Variants in PPA2 observed in about 807,000 individuals in gnomAD.
PPA2 encodes the protein inorganic pyrophosphatase 2, mitochondrial.
A neutral mutation model predicts 49.5 loss-of-function variants in PPA2; 48 were observed. That is an observed-to-expected ratio of 0.97 (90% CI 0.77 to 1.23). The LOEUF (loss-of-function observed/expected upper bound fraction) is 1.23, where lower values mean the gene tolerates loss of function less well. Among genes scored for constraint, PPA2 ranks in the 50% most tolerant of loss-of-function variants. PPA2 has a pLI of 0.00. For synonymous variants in PPA2, 131 were observed against 139.9 expected (o/e 0.94, Z 0.45); for missense variants, 429 against 410.1 (o/e 1.05, Z -0.40).
intron 7 of PPA2, among the ~76,000 whole-genome samples, chr4:105,414,418 G>A (rs2636733): frequency 0.59 from 89,961 of 152,000 alleles, 26,738 homozygotes; most frequent in East Asian, 0.68. Flanking sequence ...GGCAGGCTGC[G>A]CTCCGCTCGT....
intron 1 of PPA2, among the ~76,000 whole-genome samples, chr4:105,462,857 T>C (rs1352381222): frequency 6.6e-6 from 1 of 152,214 alleles, no homozygotes; most frequent in African/African-American, 2.4e-5. Context: ...TGCCACCATA[T>C]GAGACGTGCC....
chr4:105,462,323 C>T (rs559105111), intron 1 of PPA2, among the ~76,000 whole-genome samples: 89 of 152,318 alleles, frequency 5.8e-4, no homozygotes, highest in Non-Finnish European at 1.1e-3. Flanking sequence ...GCTCAGGCTG[C>T]TTGTTTCTTA....
At chr4:105,461,487 T>C (rs1239665300) in intron 1 of PPA2, among the ~76,000 whole-genome samples, 22 of 152,162 alleles carry the variant, frequency 1.4e-4, no homozygotes, top group Admixed American at 1.4e-3. Context: ...TCAGCATCTG[T>C]GGAGTCTTTC....
chr4:105,430,859 G>A (rs1261411916), intron 6 of PPA2, among the ~76,000 whole-genome samples: 1 of 152,174 alleles, frequency 6.6e-6, no homozygotes, highest in Non-Finnish European at 1.5e-5. Flanking sequence ...TGTCTTCTAT[G>A]GGTATCATTT....
At chr4:105,459,691 TATACTC>T (rs1453195448) in intron 1 of PPA2, among the ~76,000 whole-genome samples, 2 of 152,254 alleles carry the variant, frequency 1.3e-5, no homozygotes, top group Non-Finnish European at 2.9e-5. Flanking sequence ...AAAACTATGT[TATACTC>T]ATATAGTGGT....
At chr4:105,442,685 G>A (rs138062755) in intron 5 of PPA2, among the ~76,000 whole-genome samples, 9 of 152,276 alleles carry the variant, frequency 5.9e-5, no homozygotes, top group East Asian at 3.9e-4. Flanking sequence ...TTAGGAGTGC[G>A]GGAGATGCTA....
chr4:105,473,616 C>T lies in PPA2; in HGVS notation c.157+278G>A, dbSNP rs115525080. ...CACTCTGCCTACCCCTCGGGGAGGG[C>T]GGCTGGCAGGGCACAGGGCGCTATC... is the stretch of plus-strand genomic sequence containing the variant. On this transcript the variant is annotated intron_variant, in intron 1 of 11. Transcript: ENST00000341695. The T allele has an allele frequency of 1.7e-3, 1,176 of 672,418 alleles. 7 individuals are homozygous for T. The highest frequency in any genetic ancestry group is 0.016 in the African/African-American group (906 of 56,802). The allele number at this position is 672,418 out of a possible 1,614,324, so 41.7% of individuals were successfully genotyped here. A position where few individuals can be genotyped will look rare whatever the true frequency, so the allele number is the denominator to read the frequency against.
chr4:105,457,738 G>GT (rs1173947875), intron 1 of PPA2, among the ~76,000 whole-genome samples: 2 of 152,172 alleles, frequency 1.3e-5, no homozygotes, highest in African/African-American at 4.8e-5. Context: ...TAAGTTTAAA[G>GT]TTTTTTGTAC....
At chr4:105,400,774 G>C (rs546539948) in intron 7 of PPA2, among the ~76,000 whole-genome samples, 1 of 152,132 alleles carries the variant, frequency 6.6e-6, no homozygotes, top group East Asian at 1.9e-4. Context: ...CAAGGAGAAA[G>C]AGAAAGCTAA....
intron 7 of PPA2, among the ~76,000 whole-genome samples, chr4:105,410,713 C>T (rs1241834255): frequency 2.0e-5 from 3 of 152,228 alleles, no homozygotes; most frequent in Non-Finnish European, 4.4e-5. Context: ...AACAGCTGAT[C>T]ACTCTGCAGA....
intron 6 of PPA2, 53 bp downstream of exon 6, chr4:105,437,897 G>A: frequency 7.2e-7 from 1 of 1,387,398 alleles, no homozygotes; most frequent in South Asian, 1.3e-5. Context: ...GAAATTTTAT[G>A]GCATGAATAA....
At position 105,473,914 on chromosome 4, in the gene PPA2, T is replaced by C; in HGVS notation, c.137A>G (p.Gln46Arg). Residue 46 changes from glutamine (Q) to arginine (R), a missense_variant, in exon 1 of 12, where the codon CAG (glutamine) becomes CGG (arginine). Physicochemically the swap from Gln to Arg is conservative, Grantham distance 43. Coordinates refer to ENST00000341695, the MANE Select transcript of PPA2 (RefSeq NM_176869.3). Reference protein sequence around the residue: ...HTEERGQPCSQNYRLFFKNVT... With the variant: ...HTEERGQPCSRNYRLFFKNVT... ...CTTACTAAAGAAGAGGCGGTAATTCTGCGAGCAGGGCTGGCCGCGCTCCTC... is the reference window on the plus strand; with the variant it reads ...CTTACTAAAGAAGAGGCGGTAATTCCGCGAGCAGGGCTGGCCGCGCTCCTC... The C allele has an allele frequency of 1.9e-6, 3 of 1,603,276 alleles. No homozygotes were observed. The highest frequency in any genetic ancestry group is 2.6e-6 in the Non-Finnish European group (3 of 1,173,552).
chr4:105,424,707 T>C (rs1723411928), intron 6 of PPA2, among the ~76,000 whole-genome samples: 1 of 151,928 alleles, frequency 6.6e-6, no homozygotes, highest in African/African-American at 2.4e-5. Context: ...TCAATACACA[T>C]TCCAAACCAC....
intron 10 of PPA2, among the ~76,000 whole-genome samples, chr4:105,382,380 G>T (rs1435546906): frequency 6.6e-6 from 1 of 151,996 alleles, no homozygotes; most frequent in African/African-American, 2.4e-5. Flanking sequence ...GATTAATCTT[G>T]TACATTTTGT....
At position 105,386,714 on chromosome 4, in the gene PPA2, CA is replaced by C. The variant is rs1319306054; in HGVS notation, c.870-79del. The C allele has an allele frequency of 5.6e-6, 6 of 1,071,186 alleles. No individual in the cohort carries two copies. The African/African-American group carries it at 9.5e-5, about 17-fold the overall frequency. The allele number at this position is 1,071,186 out of a possible 1,614,324, so 66.4% of individuals were successfully genotyped here. The stretch of plus-strand genomic sequence containing the variant: ...CCAAAAAAACCCCAAAAACTAACTC[CA>C]AATACTCCACATCTGTTGTATAATT... On this transcript the variant is annotated intron_variant, in intron 9 of 11. Coordinates refer to ENST00000341695, the MANE Select transcript of PPA2 (RefSeq NM_176869.3).
intron 7 of PPA2, among the ~76,000 whole-genome samples, chr4:105,401,288 C>T (rs1324912753): frequency 6.6e-6 from 1 of 152,114 alleles, no homozygotes; most frequent in Non-Finnish European, 1.5e-5. Flanking sequence ...ATCCAACTCA[C>T]TCATGATAGA....
chr4:105,438,963 C>T (rs951164269), intron 5 of PPA2, among the ~76,000 whole-genome samples: 1 of 151,838 alleles, frequency 6.6e-6, no homozygotes, highest in African/African-American at 2.4e-5. Context: ...TATTTTCCTT[C>T]TAGTACTAAT....
At chr4:105,461,371 A>G (rs1235650286) in intron 1 of PPA2, among the ~76,000 whole-genome samples, 1 of 152,170 alleles carries the variant, frequency 6.6e-6, no homozygotes, top group Admixed American at 6.5e-5. Flanking sequence ...CTCACTGCAC[A>G]TTCTCCATAG....
rs1560601267 is a variant in PPA2 at position 105,372,934 on chromosome 4, CTTTGT to C, written c.940-2066_940-2062del. 2.0e-5 allele frequency among the ~76,000 whole-genome samples: 3 copies of C among 152,270 alleles called. No individual in the cohort carries two copies. In the East Asian group the frequency reaches 5.8e-4, roughly 29 times the overall value. Reference sequence around the variant, plus strand: ...TTAAGAAAAAAGCTGAACAAACAGACTTTGTTTTATTTTCTTTATATCAAAGAAAA... The same window carrying C: ...TTAAGAAAAAAGCTGAACAAACAGACTTTATTTTCTTTATATCAAAGAAAA... On this transcript the variant is annotated intron_variant, in intron 10 of 11. Coordinates refer to ENST00000341695, the MANE Select transcript of PPA2 (RefSeq NM_176869.3).
Sources: allele counts gnomAD v4.1 joint callset (sites outside exome capture counted in the v4.1 genomes callset), GRCh38; gene constraint gnomAD v4.1.1; transcripts MANE v1.5; gene names NCBI Gene and HGNC (gene_info 2026-07-23, HGNC 2026-07-21).